PGS1: variants seen among roughly 807,000 people sequenced by gnomAD.
PGS1 encodes phosphatidylglycerophosphate synthase 1.
A neutral mutation model predicts 58.3 loss-of-function variants in PGS1; 44 were observed. The observed-to-expected ratio is 0.75, with a 90% CI of 0.59 to 0.97. PGS1 has a LOEUF of 0.97. Ranked by LOEUF, PGS1 falls within the 50% of genes least tolerant of loss-of-function variation. The pLI, the probability that PGS1 is intolerant of heterozygous loss-of-function variation, is 0.00. For missense variants in PGS1, 684 were observed against 731.1 expected (o/e 0.94, Z 0.74); for synonymous variants, 330 against 311.0 (o/e 1.06, Z -0.64).
chr17:78,394,562 C>CTTT lies in PGS1; in HGVS notation c.334-1738_334-1736dup, dbSNP rs557256277. Among the ~76,000 whole-genome samples the CTTT allele has an allele frequency of 2.2e-3, 330 of 148,880 alleles. 2 individuals carry two copies. The highest frequency in any genetic ancestry group is 0.021 in the Admixed American group (306 of 14,884). On this transcript the variant is annotated intron_variant, in intron 2 of 9. Coordinates refer to ENST00000262764, the MANE Select transcript of PGS1 (RefSeq NM_024419.5). ...ACAGGTTTTTCTTTTCTTTTCTTTT[C>CTTT]TTTTTTTTTTAAGACGGAGTTTCGC...
chr17:78,385,278 C>T (rs545421084), intron 1 of PGS1, among the ~76,000 whole-genome samples: 26 of 151,870 alleles, frequency 1.7e-4, no homozygotes, highest in African/African-American at 6.0e-4. Flanking sequence ...GCTACCATGC[C>T]CGGCTAATTT....
At chr17:78,397,259 C>T (rs764386761) in intron 3 of PGS1, among the ~76,000 whole-genome samples, 1 of 100,720 alleles carries the variant, frequency 9.9e-6, no homozygotes, top group Non-Finnish European at 2.4e-5. Flanking sequence ...CTTGGGTCTC[C>T]TGGGATTGCT....
intron 9 of PGS1, among the ~76,000 whole-genome samples, chr17:78,422,911 C>T (rs1397939280): frequency 6.6e-6 from 1 of 152,104 alleles, no homozygotes; most frequent in East Asian, 1.9e-4. Context: ...GCCTGGCCAA[C>T]ATGGTGAAAC....
intron 4 of PGS1, 147 bp downstream of exon 4, chr17:78,398,498 G>T: frequency 1.6e-6 from 1 of 644,234 alleles, no homozygotes; most frequent in Non-Finnish European, 2.7e-6. Context: ...GATTGTGTGA[G>T]TTAGGATTTT....
At chr17:78,385,293 AT>A (rs563493979) in intron 1 of PGS1, among the ~76,000 whole-genome samples, 201 of 126,710 alleles carry the variant, frequency 1.6e-3, no homozygotes, top group Non-Finnish European at 1.7e-3. Flanking sequence ...TAATTTTTGT[AT>A]TTTTTTTTTT....
rs919524109 is a variant in PGS1 at position 78,399,272 on chromosome 17, G to A, written c.512-76G>A. The A allele has an allele frequency of 2.6e-5, 30 of 1,168,390 alleles. 1 individual carries two copies. The highest frequency in any genetic ancestry group is 5.2e-4 in the Middle Eastern group (2 of 3,858). 72.4% of individuals were successfully genotyped at this position (1,168,390 alleles called of 1,614,324 possible). A position where few individuals can be genotyped will look rare whatever the true frequency, so the allele number is the denominator to read the frequency against. ...ACGGCACAGGTGAAGGCGAGGCCACGTGGAGGTGGCTCCTCATTGGGGGCA... is the reference window on the plus strand; with the variant it reads ...ACGGCACAGGTGAAGGCGAGGCCACATGGAGGTGGCTCCTCATTGGGGGCA... On this transcript the variant is annotated intron_variant, in intron 4 of 9. Coordinates refer to ENST00000262764, the MANE Select transcript of PGS1 (RefSeq NM_024419.5).
At chr17:78,418,624 T>C (rs2085415231) in intron 8 of PGS1, among the ~76,000 whole-genome samples, 1 of 152,364 alleles carries the variant, frequency 6.6e-6, no homozygotes, top group Non-Finnish European at 1.5e-5. Context: ...TTTTTCCTTG[T>C]TATAAATATT....
chr17:78,383,009 GTTCCTAA>G (rs1421807673), intron 1 of PGS1, among the ~76,000 whole-genome samples: 55 of 152,268 alleles, frequency 3.6e-4, no homozygotes, highest in African/African-American at 1.3e-3. Flanking sequence ...GAAGGCATTA[GTTCCTAA>G]TCTTGAACTT....
intron 2 of PGS1, 43 bp from the exon 3 acceptor site, chr17:78,396,265 T>C (rs1352973689): frequency 3.4e-6 from 5 of 1,469,880 alleles, no homozygotes; most frequent in African/African-American, 1.4e-5. Flanking sequence ...TAGTGAACCA[T>C]GAAAATGATG....
intron 1 of PGS1, among the ~76,000 whole-genome samples, chr17:78,382,315 T>C (rs1567931000): frequency 6.6e-6 from 1 of 152,098 alleles, no homozygotes; most frequent in East Asian, 1.9e-4. Flanking sequence ...ATTCCATGTA[T>C]GATTTCTTTT....
intron 5 of PGS1, 113 bp downstream of exon 5, chr17:78,399,650 G>C: frequency 9.4e-7 from 1 of 1,062,134 alleles, no homozygotes; most frequent in Non-Finnish European, 1.4e-6. Context: ...CCTGCTTGTA[G>C]GTCTGGCTGC....
At position 78,424,070 on chromosome 17, in the gene PGS1, T is replaced by G; in HGVS notation, c.*20T>G. 6.2e-7 allele frequency: 1 copy of G among 1,613,964 alleles called. No homozygotes were observed. The highest frequency in any genetic ancestry group is 2.2e-5 in the East Asian group (1 of 44,882). On this transcript the variant is annotated 3_prime_UTR_variant, in exon 10 of 10. Coordinates refer to ENST00000262764, the MANE Select transcript of PGS1 (RefSeq NM_024419.5). ...TCCATGCGGTCCACAGGAATGGCCT[T>G]GATGAAGATGACAGGCATGGCCGGG...
intron 1 of PGS1, 107 bp from the exon 2 acceptor site, chr17:78,392,369 C>T (rs1047707089): frequency 3.9e-5 from 27 of 685,538 alleles, no homozygotes; most frequent in East Asian, 2.9e-4. Context: ...ACACAAGCAA[C>T]GCACCCATCT....
rs190854013 is a variant in PGS1 at position 78,404,506 on chromosome 17, C to T, written c.1402+417C>T. On this transcript the variant is annotated intron_variant, in intron 7 of 9. Transcript: ENST00000262764. ...TGTTGCCCAGGCTGGTTTTGAACTC[C>T]GGAGCTCAAGTGGTCTGCCTGCCTT... Among the ~76,000 whole-genome samples, 119 of 152,110 alleles carry T rather than the reference C, an allele frequency of 7.8e-4. 1 individual carries two copies. Among genetic ancestry groups the T allele is most frequent in the Non-Finnish European group, 2.1e-4 (14 of 67,988 alleles).
At chr17:78,382,934 C>T (rs9901475) in intron 1 of PGS1, 30,938 of 152,122 alleles carry the variant, frequency 0.2, 3,260 homozygotes, top group East Asian at 0.25. Context: ...CGTGAGCCAC[C>T]GTGCCCGGCC....
chr17:78,402,414 A>G (rs1200782931), intron 6 of PGS1, among the ~76,000 whole-genome samples: 1 of 14,348 alleles, frequency 7.0e-5, no homozygotes, highest in Non-Finnish European at 1.5e-4. Flanking sequence ...ATATATATAT[A>G]TATATATATA....
chr17:78,420,405 T>C (rs1249582043), intron 9 of PGS1: 1 of 194,816 alleles, frequency 5.1e-6, no homozygotes, highest in East Asian at 1.9e-4. Context: ...TGAGTGACCT[T>C]TTGTGTCCTG....
rs1450464823 is a variant in PGS1, at chr17:78,419,589, C to T, written c.1595C>T (p.Ala532Val). ...CTGAGGTCAGGTGTGGTGTCCTCTG[C>T]CACCTTCGAGCAGCCGAGTCGCCAG... ...LYLRSGVVSS[A>V]TFEQPSRQVK... Residue 532 changes from alanine to valine, a missense_variant, in exon 9 of 10, where the codon GCC (alanine) becomes GTC (valine). Physicochemically the swap from Ala to Val is moderately conservative, Grantham distance 64 (BLOSUM62 0). Coordinates refer to ENST00000262764, the MANE Select transcript of PGS1 (RefSeq NM_024419.5). 2 of 1,613,928 alleles carry T rather than the reference C, an allele frequency of 1.2e-6. No homozygotes were observed. The highest frequency in any genetic ancestry group is 1.3e-5 in the African/African-American group (1 of 74,936).
chr17:78,420,098 A>T (rs1043802453), intron 9 of PGS1: 4 of 1,049,668 alleles, frequency 3.8e-6, no homozygotes, highest in Non-Finnish European at 4.6e-6. Flanking sequence ...TGCTCGTGAG[A>T]GTGGCTCTGG....
Sources: gnomAD v4.1 joint callset for allele counts (sites outside exome capture counted in the v4.1 genomes callset) on GRCh38, gnomAD v4.1.1 for gene constraint, MANE v1.5 for transcripts, NCBI Gene and HGNC (gene_info 2026-07-23, HGNC 2026-07-21) for gene names.